The following ME1 variants were observed in gnomAD, a reference collection of about 807,000 sequenced individuals.
ME1 encodes NADP-dependent malic enzyme.
Under a neutral mutation model 66.4 loss-of-function variants are expected in ME1, and 74 were observed. The observed-to-expected ratio is 1.11, with a 90% CI of 0.92 to 1.35. The LOEUF (loss-of-function observed/expected upper bound fraction) is 1.35, where lower values mean the gene tolerates loss of function less well. Ranked by LOEUF, ME1 falls within the 40% of genes most tolerant of loss-of-function variation. The pLI, the probability that ME1 is intolerant of heterozygous loss-of-function variation, is 0.00. For missense variants in ME1, 750 were observed against 694.1 expected (o/e 1.08, Z -0.90); for synonymous variants, 251 against 235.6 (o/e 1.07, Z -0.60).
intron 6 of ME1, among the ~76,000 whole-genome samples, chr6:83,288,168 A>G (rs559419364): frequency 5.9e-5 from 9 of 152,176 alleles, no homozygotes; most frequent in East Asian, 5.8e-4. Context: ...ACTAGATCCA[A>G]TTTGTCAATT....
At chr6:83,328,269 G>C (rs1768339942) in intron 5 of ME1, among the ~76,000 whole-genome samples, 1 of 151,986 alleles carries the variant, frequency 6.6e-6, no homozygotes. Context: ...TGAACAATGA[G>C]AACACATGGA....
At chr6:83,298,352 A>G (rs1353991501) in intron 6 of ME1, among the ~76,000 whole-genome samples, 1 of 152,030 alleles carries the variant, frequency 6.6e-6, no homozygotes, top group African/African-American at 2.4e-5. Flanking sequence ...TTGGCCACAT[A>G]AATGTCTTCT....
chr6:83,310,938 T>C (rs905730423), intron 6 of ME1, among the ~76,000 whole-genome samples: 1 of 152,132 alleles, frequency 6.6e-6, no homozygotes, highest in Non-Finnish European at 1.5e-5. Context: ...GTCAGAATCC[T>C]AGTTACAAAA....
intron 6 of ME1, among the ~76,000 whole-genome samples, chr6:83,274,414 T>G (rs993338749): frequency 1.3e-5 from 2 of 152,194 alleles, no homozygotes; most frequent in African/African-American, 4.8e-5. Context: ...GGTAGTAATT[T>G]CTCTTTATGC....
chr6:83,315,333 T>C lies in ME1; in HGVS notation c.681A>G (p.Glu227=), dbSNP rs754632210. The C allele has an allele frequency of 3.1e-5, 50 of 1,610,302 alleles. No homozygotes were observed. In the East Asian group the frequency reaches 1.1e-3, roughly 35 times the overall value. The stretch of plus-strand genomic sequence containing the variant: ...ACTTGGAAGAAACTGCCTCCATGAA[T>C]TCGTCCAAAAAATCATCATATTCAG... ...RGSEYDDFLD[E]FMEAVSSKYG... is the part of the protein sequence containing the mutation. Residue 227 remains glutamate, a synonymous_variant, in exon 6 of 14, where the codon GAA becomes GAG. Coordinates refer to ENST00000369705, the MANE Select transcript of ME1 (RefSeq NM_002395.6).
chr6:83,419,923 CAG>C (rs1770234540), intron 1 of ME1, among the ~76,000 whole-genome samples: 1 of 152,120 alleles, frequency 6.6e-6, no homozygotes, highest in Non-Finnish European at 1.5e-5. Flanking sequence ...GACCATATGA[CAG>C]AGTACTGAAC....
chr6:83,341,025 G>A (rs931700449), intron 5 of ME1, among the ~76,000 whole-genome samples: 5 of 151,928 alleles, frequency 3.3e-5, no homozygotes, highest in African/African-American at 9.7e-5. Flanking sequence ...GAGAGTCACC[G>A]GGTGAACGCT....
intron 6 of ME1, among the ~76,000 whole-genome samples, chr6:83,301,515 G>C (rs1281323927): frequency 6.6e-6 from 1 of 151,866 alleles, no homozygotes; most frequent in African/African-American, 2.4e-5. Context: ...GCTAATTTTT[G>C]TATTTTTAGT....
chr6:83,302,397 C>T (rs1000841231), intron 6 of ME1, among the ~76,000 whole-genome samples: 1 of 151,854 alleles, frequency 6.6e-6, no homozygotes, highest in Non-Finnish European at 1.5e-5. Flanking sequence ...GTACAACAAA[C>T]CCCCATCATA....
chr6:83,366,517 G>A (rs1484993905), intron 3 of ME1, among the ~76,000 whole-genome samples: 1 of 152,142 alleles, frequency 6.6e-6, no homozygotes, highest in Non-Finnish European at 1.5e-5. Context: ...AAACAGAAAG[G>A]ATAAAGGTAA....
intron 6 of ME1, among the ~76,000 whole-genome samples, chr6:83,307,681 A>G (rs972133389): frequency 6.6e-6 from 1 of 152,112 alleles, no homozygotes; most frequent in African/African-American, 2.4e-5. Flanking sequence ...GGTAGTACAG[A>G]AAGTTAGCCA....
chr6:83,382,423 G>A (rs918832252), intron 3 of ME1, among the ~76,000 whole-genome samples: 6 of 151,922 alleles, frequency 3.9e-5, no homozygotes, highest in East Asian at 1.9e-4. Flanking sequence ...AGAATCTTCC[G>A]GAAGAATTGA....
intron 4 of ME1, among the ~76,000 whole-genome samples, chr6:83,348,998 AAAAC>A (rs1768744598): frequency 4.2e-5 from 6 of 144,402 alleles, no homozygotes; most frequent in East Asian, 2.0e-4. Context: ...AAAAAAAAAA[AAAAC>A]AAAAAACAAA....
intron 1 of ME1, among the ~76,000 whole-genome samples, chr6:83,422,155 T>C (rs3798885): frequency 0.48 from 72,313 of 152,044 alleles, 19,315 homozygotes; most frequent in African/African-American, 0.72. Flanking sequence ...GTGCATAGAT[T>C]TGACCTTAAA....
chr6:83,229,874 T>C (rs1790265697), intron 9 of ME1, among the ~76,000 whole-genome samples: 1 of 152,228 alleles, frequency 6.6e-6, no homozygotes, highest in Non-Finnish European at 1.5e-5. Context: ...TCATGCAAGT[T>C]GGAGTGCTGT....
At chr6:83,228,776 A>G (rs762893606) in intron 10 of ME1, 50 bp downstream of exon 10, 4 of 1,253,144 alleles carry the variant, frequency 3.2e-6, no homozygotes, top group Non-Finnish European at 4.5e-6. Flanking sequence ...AAAAAAAACA[A>G]TCAGGTCAAA....
At chr6:83,373,242 G>T (rs1381692215) in intron 3 of ME1, among the ~76,000 whole-genome samples, 3 of 151,010 alleles carry the variant, frequency 2.0e-5, no homozygotes, top group Non-Finnish European at 4.4e-5. Flanking sequence ...ACATGTATTT[G>T]TTTTTTTTTC....
intron 5 of ME1, among the ~76,000 whole-genome samples, chr6:83,345,628 G>T (rs1262174899): frequency 6.6e-6 from 1 of 151,864 alleles, no homozygotes; most frequent in Non-Finnish European, 1.5e-5. Flanking sequence ...CTATTTCAGA[G>T]AATTCTATGT....
intron 2 of ME1, 141 bp downstream of exon 2, chr6:83,407,627 T>C (rs1342375309): frequency 7.2e-6 from 6 of 834,308 alleles, no homozygotes; most frequent in Non-Finnish European, 1.1e-5. Context: ...TTTAAAAACA[T>C]CATTGTGTTT....
Sources: allele counts gnomAD v4.1 joint callset (sites outside exome capture counted in the v4.1 genomes callset), GRCh38; gene constraint gnomAD v4.1.1; transcripts MANE v1.5; gene names NCBI Gene and HGNC (gene_info 2026-07-23, HGNC 2026-07-21).